The following WDR11 variants were observed in gnomAD, a reference collection of about 807,000 sequenced individuals.
WDR11 encodes WD repeat-containing protein 11.
In WDR11, 83 loss-of-function variants were observed where a neutral mutation model predicts 151.2. That is an observed-to-expected ratio of 0.55 (90% CI 0.46 to 0.66). The LOEUF (loss-of-function observed/expected upper bound fraction) is 0.66. WDR11 is among the 30% of genes least tolerant of loss of function. WDR11 has a pLI of 0.00. For missense variants in WDR11, 1,301 were observed against 1,480.9 expected (o/e 0.88, Z 1.99); for synonymous variants, 484 against 533.1 (o/e 0.91, Z 1.27).
Position 120,886,747 on chromosome 10 carries a change from C to T in WDR11, c.2032C>T (p.His678Tyr), listed in dbSNP as rs1847234275. The T allele has an allele frequency of 6.2e-7, 1 of 1,613,852 alleles. No homozygotes were observed. Among genetic ancestry groups the T allele is most frequent in the Non-Finnish European group, 8.5e-7 (1 of 1,179,968 alleles). The change falls in exon 16 of 29, where the codon CAT (histidine) becomes TAT (tyrosine). Residue 678 changes from histidine (H) to tyrosine (Y), a missense_variant. His to Tyr is a moderately conservative substitution (Grantham distance 83). Coordinates refer to ENST00000263461, the MANE Select transcript of WDR11 (RefSeq NM_018117.12). ...ELSQNISARE[H>Y]FVFTDIDGQV... ...TAGTCAGAACATCTCTGCCCGGGAACATTTTGTATTTACCGATATTGATGG... is the reference window on the plus strand; with the variant it reads ...TAGTCAGAACATCTCTGCCCGGGAATATTTTGTATTTACCGATATTGATGG...
chr10:120,866,714 C>T lies in WDR11; in HGVS notation c.1140C>T (p.Val380=). The change falls in exon 8 of 29, where the codon GTC becomes GTT. Residue 380 remains valine, a synonymous_variant. Coordinates refer to ENST00000263461, the MANE Select transcript of WDR11 (RefSeq NM_018117.12). ...AAALVVSDGR[V]MIWELKSAVC... is the part of the protein sequence containing the mutation. Reference sequence around the variant, plus strand: ...CCCTCGTAGTGAGTGATGGCAGGGTCATGATATGGGAACTCAAGTCTGCAG... The same window carrying T: ...CCCTCGTAGTGAGTGATGGCAGGGTTATGATATGGGAACTCAAGTCTGCAG... 1 of 1,614,128 alleles carries T rather than the reference C, an allele frequency of 6.2e-7. No individual in the cohort carries two copies. The highest frequency in any genetic ancestry group is 1.1e-5 in the South Asian group (1 of 91,070).
At chr10:120,886,458 T>C (rs887462773) in intron 15 of WDR11, among the ~76,000 whole-genome samples, 3 of 152,198 alleles carry the variant, frequency 2.0e-5, no homozygotes, top group African/African-American at 7.2e-5. Context: ...TTGTGTTAAG[T>C]TTAGATCACC....
intron 19 of WDR11, among the ~76,000 whole-genome samples, chr10:120,894,364 C>A (rs1847531775): frequency 6.6e-6 from 1 of 152,186 alleles, no homozygotes. Context: ...TCTGCCACAG[C>A]TTTCCACAGT....
intron 20 of WDR11, 121 bp from the exon 21 acceptor site, chr10:120,900,914 AG>A: frequency 1.4e-6 from 1 of 724,200 alleles, no homozygotes; most frequent in Non-Finnish European, 2.5e-6. Context: ...GTCTATAACC[AG>A]GTTTCTAACC....
rs773678941 is a variant in WDR11, at chr10:120,904,120, AC to A, written c.3007del (p.Gln1003SerfsTer30). ...TATGATCATACAAGGAAATGTACAG[AC>A]CAGCTACTGCTCTTGGGTCAAGTAT... is the stretch of plus-strand genomic sequence containing the variant. ...STYDHTRKCT[D>X]QLLLLGQTDR... is the part of the protein sequence containing the mutation. On this transcript the variant is annotated frameshift_variant, in exon 24 of 29. Transcript: ENST00000263461. LOFTEE classifies it high-confidence loss of function. 6.2e-7 allele frequency: 1 copy of A among 1,613,330 alleles called. No individual in the cohort carries two copies. The highest frequency in any genetic ancestry group is 8.5e-7 in the Non-Finnish European group (1 of 1,179,402).
intron 7 of WDR11, among the ~76,000 whole-genome samples, chr10:120,866,112 G>A (rs531634273): frequency 2.6e-5 from 4 of 151,836 alleles, no homozygotes; most frequent in South Asian, 2.1e-4. Context: ...AAGTGACAGA[G>A]GTTATTAAGT....
At position 120,908,875 on chromosome 10, in the gene WDR11, T is replaced by C. The variant is rs1260841922; in HGVS notation, c.*162T>C. 5.4e-6 allele frequency: 4 copies of C among 741,048 alleles called. No individual in the cohort carries two copies. Among genetic ancestry groups the C allele is most frequent in the African/African-American group, 1.7e-5 (1 of 57,202 alleles). 45.9% of individuals were successfully genotyped at this position (741,048 alleles called of 1,614,324 possible). A position where few individuals can be genotyped will look rare whatever the true frequency, so the allele number is the denominator to read the frequency against. ...GTGTGCCCAAAAGCACATAAGCATC[T>C]ATGTTGAGAGTAAGTTTGTATCCTG... On this transcript the variant is annotated 3_prime_UTR_variant, in exon 29 of 29. Transcript: ENST00000263461.
chr10:120,864,912 A>G (rs1590063881), intron 5 of WDR11, 135 bp from the exon 6 acceptor site: 8 of 978,880 alleles, frequency 8.2e-6, no homozygotes, highest in South Asian at 6.2e-5. Context: ...TTGGATGCCA[A>G]CCCATGTTGG....
intron 2 of WDR11, among the ~76,000 whole-genome samples, chr10:120,857,533 T>A (rs1406956049): frequency 7.7e-6 from 1 of 129,990 alleles, no homozygotes; most frequent in Non-Finnish European, 1.7e-5. Context: ...CACACATACA[T>A]ATGCATATAT....
At chr10:120,875,326 T>C (rs561539105) in intron 11 of WDR11, among the ~76,000 whole-genome samples, 1 of 152,358 alleles carries the variant, frequency 6.6e-6, no homozygotes, top group Non-Finnish European at 1.5e-5. Flanking sequence ...GCTTATGAGT[T>C]CTGTGTATGC....
At chr10:120,881,035 A>C (rs1387577491) in intron 13 of WDR11, 134 bp downstream of exon 13, 11 of 732,188 alleles carry the variant, frequency 1.5e-5, no homozygotes, top group Non-Finnish European at 2.1e-5. Flanking sequence ...GGTGATATGC[A>C]GCCCAAAGAA....
chr10:120,878,519 A>AATGGC, intron 12 of WDR11, 60 bp downstream of exon 12: 1 of 1,392,828 alleles, frequency 7.2e-7, no homozygotes, highest in Non-Finnish European at 1.0e-6. Flanking sequence ...GCCATTTATA[A>AATGGC]AACATGTTTG....
rs1848181253 is a variant in WDR11 at position 120,908,910 on chromosome 10, CAGAA to C, written c.*202_*205del. 3.2e-6 allele frequency: 2 copies of C among 620,590 alleles called. No individual in the cohort carries two copies. Among genetic ancestry groups the C allele is most frequent in the South Asian group, 1.9e-5 (1 of 52,064 alleles). The allele number at this position is 620,590 out of a possible 1,614,324, so 38.4% of individuals were successfully genotyped here. ...GTAAGTTTGTATCCTGCGTTGGTCT[CAGAA>C]AGAACGTGAATGCTTAAGATTTTGA... On this transcript the variant is annotated 3_prime_UTR_variant, in exon 29 of 29. Transcript: ENST00000263461.
intron 9 of WDR11, among the ~76,000 whole-genome samples, chr10:120,870,250 T>C (rs1220730553): frequency 6.6e-6 from 1 of 152,220 alleles, no homozygotes; most frequent in Non-Finnish European, 1.5e-5. Flanking sequence ...AAGGTTGTAT[T>C]TATCACCCAC....
Position 120,865,712 on chromosome 10 carries a change from A to G in WDR11, c.962A>G (p.Asn321Ser). Residue 321 changes from asparagine to serine, a missense_variant, in exon 7 of 29, where the codon AAT becomes AGT. Physicochemically the swap from Asn to Ser is conservative, Grantham distance 46. Around this residue, in one of 3 missense-constraint regions of WDR11, gnomAD observed 692 missense variants for 762.5 expected, o/e 0.91. Coordinates refer to ENST00000263461, the MANE Select transcript of WDR11 (RefSeq NM_018117.12). ...ACTTTACGTGTTCGAAGATCTTATA[A>G]TAACATTTTTACCACTTCAAATGAG... ...CITLRVRRSY[N>S]NIFTTSNEEP... is the part of the protein sequence containing the mutation. The G allele has an allele frequency of 6.2e-7, 1 of 1,609,948 alleles. No homozygotes were observed. Among genetic ancestry groups the G allele is most frequent in the Non-Finnish European group, 8.5e-7 (1 of 1,178,144 alleles).
chr10:120,906,696 T>C (rs1848064692), intron 27 of WDR11, 80 bp from the exon 28 acceptor site: 3 of 1,612,006 alleles, frequency 1.9e-6, no homozygotes, highest in Non-Finnish European at 2.5e-6. Flanking sequence ...AATGTGTAAA[T>C]GTCTTTATAC....
intron 14 of WDR11, 47 bp downstream of exon 14, chr10:120,883,935 A>G (rs7068836): frequency 2.7e-6 from 4 of 1,470,636 alleles, no homozygotes; most frequent in Non-Finnish European, 2.8e-6. Context: ...GTATATATGT[A>G]TGTGGTGAAT....
chr10:120,885,264 G>A (rs1941875603), intron 14 of WDR11: 1 of 133,334 alleles, frequency 7.5e-6, no homozygotes, highest in African/African-American at 3.1e-5. Flanking sequence ...GTAAGAAACA[G>A]GATGAAGTAT....
chr10:120,866,120 A>C (rs1846303746), intron 7 of WDR11, among the ~76,000 whole-genome samples: 1 of 152,062 alleles, frequency 6.6e-6, no homozygotes, highest in Non-Finnish European at 1.5e-5. Context: ...GAGGTTATTA[A>C]GTCTCAGTTG....
Sources: allele counts gnomAD v4.1 joint callset (sites outside exome capture counted in the v4.1 genomes callset), GRCh38; gene constraint gnomAD v4.1.1; regional missense constraint gnomAD v4.1.1; transcripts MANE v1.5; gene names NCBI Gene and HGNC (gene_info 2026-07-23, HGNC 2026-07-21).